The following ZNF385D variants were observed in gnomAD, a reference collection of about 807,000 sequenced individuals.
ZNF385D encodes zinc finger protein 385D.
Under a neutral mutation model 35.8 loss-of-function variants are expected in ZNF385D, and 15 were observed. The ratio of observed to expected loss-of-function variants is 0.42; its 90% confidence interval spans 0.28 to 0.64. ZNF385D has a LOEUF of 0.64. Among genes scored for constraint, ZNF385D ranks in the 30% least tolerant of loss-of-function variants. The pLI is 0.23. For missense variants in ZNF385D, 474 were observed against 494.6 expected (o/e 0.96, Z 0.39); for synonymous variants, 212 against 186.8 (o/e 1.13, Z -1.10).
intron 2 of ZNF385D, among the ~76,000 whole-genome samples, chr3:22,346,741 T>C (rs1389557253): frequency 1.3e-5 from 2 of 152,128 alleles, no homozygotes; most frequent in Admixed American, 1.3e-4. Flanking sequence ...TTCTCTCACC[T>C]CAAAAAAACC....
rs58278871 is a variant in ZNF385D, at chr3:21,914,544, A to C, written c.326-249516T>G. On this transcript the variant is annotated intron_variant, in intron 3 of 5. Coordinates refer to the ZNF385D transcript ENST00000494108. ...TAAAATTCAGTCCCTAGATGAGCAAATTTAATTGGCATGAAGTCGAGATAC... is the reference window on the plus strand; with the variant it reads ...TAAAATTCAGTCCCTAGATGAGCAACTTTAATTGGCATGAAGTCGAGATAC... Among the ~76,000 whole-genome samples the C allele has an allele frequency of 2.5e-3, 381 of 152,102 alleles. 2 individuals carry two copies. The highest frequency in any genetic ancestry group is 8.7e-3 in the African/African-American group (361 of 41,520).
intron 3 of ZNF385D, among the ~76,000 whole-genome samples, chr3:21,924,532 T>C (rs1375959234): frequency 1.3e-5 from 2 of 152,178 alleles, no homozygotes; most frequent in Non-Finnish European, 2.9e-5. Flanking sequence ...CCCAACACCA[T>C]CCATGCCACA....
intron 1 of ZNF385D, among the ~76,000 whole-genome samples, chr3:21,746,008 G>A (rs1426590076): frequency 1.3e-5 from 2 of 152,138 alleles, no homozygotes; most frequent in East Asian, 1.9e-4. Context: ...TATGACTGAA[G>A]TACAATATTA....
chr3:22,092,975 C>T (rs1351324), intron 3 of ZNF385D, among the ~76,000 whole-genome samples: 20,237 of 152,034 alleles, frequency 0.13, 1,593 homozygotes, highest in Middle Eastern at 0.24. Flanking sequence ...ATAAAATTAA[C>T]GCAAATAAAC....
At chr3:22,135,608 G>T (rs1368381652) in intron 3 of ZNF385D, among the ~76,000 whole-genome samples, 1 of 152,116 alleles carries the variant, frequency 6.6e-6, no homozygotes, top group Non-Finnish European at 1.5e-5. Flanking sequence ...TAAAATCTTT[G>T]TAGATTTAAT....
chr3:21,952,868 C>A (rs945877424), intron 3 of ZNF385D, among the ~76,000 whole-genome samples: 3 of 151,914 alleles, frequency 2.0e-5, no homozygotes, highest in Non-Finnish European at 2.9e-5. Flanking sequence ...AATGAAATTT[C>A]TGATGCCAAA....
chr3:22,312,283 T>C (rs1475628739), intron 2 of ZNF385D, among the ~76,000 whole-genome samples: 3 of 152,092 alleles, frequency 2.0e-5, no homozygotes, highest in Non-Finnish European at 4.4e-5. Context: ...TTCAATTAAG[T>C]CAACTTTCAT....
At chr3:21,855,252 G>A (rs3901603) in intron 3 of ZNF385D, among the ~76,000 whole-genome samples, 1 of 151,764 alleles carries the variant, frequency 6.6e-6, no homozygotes, top group East Asian at 1.9e-4. Flanking sequence ...TTTCCCTTAA[G>A]AATTTTTTAG....
At chr3:22,245,521 G>C (rs1333952563) in intron 2 of ZNF385D, among the ~76,000 whole-genome samples, 1 of 151,554 alleles carries the variant, frequency 6.6e-6, no homozygotes, top group African/African-American at 2.4e-5. Context: ...AATTAAAGTA[G>C]GGAGCGCATT....
At chr3:21,718,951 T>C (rs1426558246) in intron 1 of ZNF385D, among the ~76,000 whole-genome samples, 1 of 152,192 alleles carries the variant, frequency 6.6e-6, no homozygotes, top group Non-Finnish European at 1.5e-5. Context: ...CCCAAAAAAA[T>C]TAATGAAGAA....
chr3:21,920,126 T>C (rs1700381044), intron 3 of ZNF385D, among the ~76,000 whole-genome samples: 1 of 152,192 alleles, frequency 6.6e-6, no homozygotes, highest in Admixed American at 6.5e-5. Context: ...CAAAGAAGAA[T>C]ATGCAACAGA....
At chr3:22,199,161 T>G (rs568686948) in intron 2 of ZNF385D, among the ~76,000 whole-genome samples, 2 of 152,062 alleles carry the variant, frequency 1.3e-5, no homozygotes. Flanking sequence ...CATCTCCACA[T>G]TGTTTTTGCC....
intron 3 of ZNF385D, among the ~76,000 whole-genome samples, chr3:21,536,159 C>T (rs914371744): frequency 6.6e-6 from 1 of 151,982 alleles, no homozygotes; most frequent in Non-Finnish European, 1.5e-5. Flanking sequence ...TACTATTTCC[C>T]TAGCTGACAA....
intron 3 of ZNF385D, among the ~76,000 whole-genome samples, chr3:21,904,090 G>A (rs899864187): frequency 6.6e-6 from 1 of 151,834 alleles, no homozygotes; most frequent in Non-Finnish European, 1.5e-5. Context: ...AGATCATGAG[G>A]TCAGGAGCTT....
intron 2 of ZNF385D, among the ~76,000 whole-genome samples, chr3:21,564,952 C>T (rs952402842): frequency 2.6e-5 from 4 of 152,160 alleles, no homozygotes; most frequent in South Asian, 2.1e-4. Flanking sequence ...CAACAGTTGT[C>T]TCAGTTTAAT....
intron 3 of ZNF385D, among the ~76,000 whole-genome samples, chr3:21,880,317 C>G (rs563125145): frequency 2.0e-5 from 3 of 152,118 alleles, no homozygotes; most frequent in South Asian, 4.1e-4. Flanking sequence ...TGTCAAGCTT[C>G]TATTGGCACC....
intron 3 of ZNF385D, among the ~76,000 whole-genome samples, chr3:21,923,908 T>A (rs934235688): frequency 1.7e-4 from 26 of 152,224 alleles, no homozygotes; most frequent in Admixed American, 1.2e-3. Context: ...AATGTGCCCA[T>A]GTAACAAACC....
intron 3 of ZNF385D, among the ~76,000 whole-genome samples, chr3:21,540,854 C>T (rs948902950): frequency 2.0e-5 from 3 of 152,110 alleles, no homozygotes; most frequent in Non-Finnish European, 2.9e-5. Flanking sequence ...ATCTTGCCTC[C>T]GTTTCTCTTC....
intron 2 of ZNF385D, among the ~76,000 whole-genome samples, chr3:21,582,569 G>C (rs921974796): frequency 6.6e-6 from 1 of 152,076 alleles, no homozygotes; most frequent in Non-Finnish European, 1.5e-5. Flanking sequence ...ATTTAATAAA[G>C]GTCAAGTGTT....
Sources: gnomAD v4.1 joint callset for allele counts (sites outside exome capture counted in the v4.1 genomes callset) on GRCh38, gnomAD v4.1.1 for gene constraint, MANE v1.5 for transcripts, NCBI Gene and HGNC (gene_info 2026-07-23, HGNC 2026-07-21) for gene names.